The following PALS1 variants were observed in gnomAD, a reference collection of about 807,000 sequenced individuals.
PALS1 encodes protein associated with LIN7 1, MAGUK p55 family member, also known as protein PALS1.
Under a neutral mutation model 78.9 loss-of-function variants are expected in PALS1, and 31 were observed. The observed-to-expected ratio is 0.39, with a 90% CI of 0.30 to 0.53. PALS1 has a LOEUF of 0.53. Among genes scored for constraint, PALS1 ranks in the 20% least tolerant of loss-of-function variants. The pLI, the probability that PALS1 is intolerant of heterozygous loss-of-function variation, is 0.67. For missense variants in PALS1, 704 were observed against 826.5 expected (o/e 0.85, Z 1.82); for synonymous variants, 276 against 270.9 (o/e 1.02, Z -0.18).
At chr14:67,298,154 T>C (rs983083606) in intron 4 of PALS1, among the ~76,000 whole-genome samples, 8 of 152,086 alleles carry the variant, frequency 5.3e-5, no homozygotes, top group African/African-American at 1.9e-4. Context: ...AGACTTAATC[T>C]TGTGACAGAG....
chr14:67,298,429 C>T (rs976430177), intron 4 of PALS1, among the ~76,000 whole-genome samples: 4 of 151,304 alleles, frequency 2.6e-5, no homozygotes, highest in South Asian at 2.1e-4. Context: ...GCAGGAGAAT[C>T]GCTTGAACCC....
At chr14:67,281,101 G>C (rs2084603981) in intron 3 of PALS1, among the ~76,000 whole-genome samples, 1 of 151,836 alleles carries the variant, frequency 6.6e-6, no homozygotes, top group African/African-American at 2.4e-5. Flanking sequence ...GTTTCACCAT[G>C]TTGGTCAGGC....
At chr14:67,300,302 T>C (rs1483837016) in intron 4 of PALS1, among the ~76,000 whole-genome samples, 1 of 151,800 alleles carries the variant, frequency 6.6e-6, no homozygotes, top group East Asian at 1.9e-4. Flanking sequence ...CCATAAAAGG[T>C]ATAGAATTAC....
intron 1 of PALS1, among the ~76,000 whole-genome samples, chr14:67,245,865 A>AT (rs139796495): frequency 4.6e-5 from 7 of 151,146 alleles, no homozygotes; most frequent in Non-Finnish European, 8.9e-5. Context: ...TTTTTCTCCA[A>AT]TTTTTTTTTC....
intron 8 of PALS1, chr14:67,312,183 T>C (rs2085100036): frequency 6.2e-6 from 1 of 162,472 alleles, no homozygotes; most frequent in Non-Finnish European, 1.3e-5. Context: ...CTTGTACATA[T>C]CTGCAAGTCA....
chr14:67,244,053 C>T (rs1030162667), intron 1 of PALS1, among the ~76,000 whole-genome samples: 4 of 152,144 alleles, frequency 2.6e-5, no homozygotes, highest in Non-Finnish European at 5.9e-5. Flanking sequence ...TTAGATAAAC[C>T]AATAAGTTGC....
intron 1 of PALS1, among the ~76,000 whole-genome samples, chr14:67,250,600 T>A (rs549054101): frequency 2.0e-5 from 3 of 152,322 alleles, no homozygotes; most frequent in African/African-American, 7.2e-5. Flanking sequence ...ACACACACAC[T>A]GTTCATACAA....
At chr14:67,247,451 G>A (rs972813593) in intron 1 of PALS1, among the ~76,000 whole-genome samples, 10 of 151,998 alleles carry the variant, frequency 6.6e-5, no homozygotes, top group Admixed American at 2.0e-4. Flanking sequence ...GTAGACAGTC[G>A]TGCTCAAAAC....
Position 67,317,495 on chromosome 14 carries a change from AG to A in PALS1, c.1369+19del. ...AAAAATGATGGTAAGTTCTACTCTC[AG>A]GGATAGGTGGAATTATATCTGAAAG... On this transcript the variant is annotated intron_variant, in intron 11 of 14. Transcript: ENST00000261681. The A allele has an allele frequency of 6.4e-7, 1 of 1,561,104 alleles. No individual in the cohort carries two copies. Among genetic ancestry groups the A allele is most frequent in the South Asian group, 1.1e-5 (1 of 88,310 alleles).
chr14:67,264,706 C>G (rs529074222), intron 1 of PALS1, among the ~76,000 whole-genome samples: 6 of 152,020 alleles, frequency 3.9e-5, no homozygotes, highest in Non-Finnish European at 8.8e-5. Context: ...GCTCTTTTGT[C>G]CACATTACCT....
At chr14:67,325,524 C>T (rs1430466970) in intron 14 of PALS1, among the ~76,000 whole-genome samples, 1 of 152,144 alleles carries the variant, frequency 6.6e-6, no homozygotes, top group African/African-American at 2.4e-5. Context: ...GCAGCATGGT[C>T]ACTGGCTGTT....
chr14:67,259,551 G>A (rs893059382), intron 1 of PALS1, among the ~76,000 whole-genome samples: 1 of 152,134 alleles, frequency 6.6e-6, no homozygotes, highest in African/African-American at 2.4e-5. Flanking sequence ...GGCAGAGGTT[G>A]CAGTGAGCCA....
intron 1 of PALS1, among the ~76,000 whole-genome samples, chr14:67,262,215 A>T (rs555942561): frequency 6.6e-6 from 1 of 152,312 alleles, no homozygotes; most frequent in South Asian, 2.1e-4. Context: ...CAAATGTAAG[A>T]TATAAGTATG....
intron 1 of PALS1, among the ~76,000 whole-genome samples, chr14:67,242,314 G>T (rs2083918038): frequency 6.6e-6 from 1 of 152,198 alleles, no homozygotes. Context: ...GTTTTTAGAT[G>T]TAGTATGGAG....
chr14:67,285,390 G>A (rs529082539), intron 3 of PALS1, among the ~76,000 whole-genome samples: 5 of 144,160 alleles, frequency 3.5e-5, no homozygotes, highest in South Asian at 4.4e-4. Context: ...TTTTTGAGAC[G>A]GAGTCTCGCT....
intron 4 of PALS1, among the ~76,000 whole-genome samples, chr14:67,293,440 G>T (rs2084802364): frequency 6.6e-6 from 1 of 152,128 alleles, no homozygotes; most frequent in African/African-American, 2.4e-5. Context: ...GCCAACATGA[G>T]CAGAAAATGG....
intron 1 of PALS1, among the ~76,000 whole-genome samples, chr14:67,252,964 A>G (rs1333129598): frequency 6.6e-6 from 1 of 152,194 alleles, no homozygotes; most frequent in Non-Finnish European, 1.5e-5. Context: ...TTTTTCTACA[A>G]AGACATAACC....
In PALS1 at chr14:67,303,516, T is replaced by C. The variant is rs745731300; in HGVS notation, c.964-6T>C. On this transcript the variant is annotated splice_polypyrimidine_tract_variant and splice_region_variant and intron_variant, in intron 7 of 14. Coordinates refer to ENST00000261681, the MANE Select transcript of PALS1 (RefSeq NM_022474.4). ...TTTAAAAAATAACCTGATCTTTCTA[T>C]TACAGTCTGATATGCATGGTACTTT... 19 of 1,607,302 alleles carry C rather than the reference T, an allele frequency of 1.2e-5. No individual in the cohort carries two copies. The South Asian group carries it at 2.0e-4, about 17-fold the overall frequency.
chr14:67,269,079 T>C (rs936986159), intron 1 of PALS1, among the ~76,000 whole-genome samples: 10 of 152,222 alleles, frequency 6.6e-5, no homozygotes, highest in Non-Finnish European at 1.5e-4. Context: ...TTTGTCTCTC[T>C]ATATTTGCCT....
Sources: gnomAD v4.1 joint callset for allele counts (sites outside exome capture counted in the v4.1 genomes callset) on GRCh38, gnomAD v4.1.1 for gene constraint, MANE v1.5 for transcripts, NCBI Gene and HGNC (gene_info 2026-07-23, HGNC 2026-07-21) for gene names.